The following ST7L variants were observed in gnomAD, a reference collection of about 807,000 sequenced individuals.
The protein encoded by ST7L is suppression of tumorigenicity 7 like, also known as suppressor of tumorigenicity 7 protein-like.
In ST7L, 57 loss-of-function variants were observed where a neutral mutation model predicts 72.5. The ratio of observed to expected loss-of-function variants is 0.79; its 90% CI spans 0.64 to 0.98. The LOEUF (loss-of-function observed/expected upper bound fraction) is 0.98. Ranked by LOEUF, ST7L falls within the 50% of genes least tolerant of loss-of-function variation. The probability of loss-of-function intolerance (pLI) is 0.00; values close to 1 mark genes in which losing one functional copy is unlikely to be tolerated. For synonymous variants in ST7L, 221 were observed against 240.9 expected, an observed-to-expected ratio of 0.92 and a Z score of 0.77; for missense variants, 576 against 672.2, an observed-to-expected ratio of 0.86 and a Z score of 1.58.
At chr1:112,542,369 G>C (rs1168374043) in intron 13 of ST7L, among the ~76,000 whole-genome samples, 1 of 152,114 alleles carries the variant, frequency 6.6e-6, no homozygotes, top group Non-Finnish European at 1.5e-5. Flanking sequence ...TTGAAAAAAA[G>C]CTTTGTCACT....
chr1:112,535,804 T>G (rs942551526), intron 14 of ST7L, among the ~76,000 whole-genome samples: 3 of 152,110 alleles, frequency 2.0e-5, no homozygotes, highest in Non-Finnish European at 2.9e-5. Flanking sequence ...AAAATCTGGA[T>G]GAATAATAAT....
intron 11 of ST7L, among the ~76,000 whole-genome samples, chr1:112,575,790 C>A (rs1209221787): frequency 6.6e-6 from 1 of 152,130 alleles, no homozygotes; most frequent in African/African-American, 2.4e-5. Context: ...TATGGGTGAA[C>A]CGCTGTCTTT....
rs1653002076 is a variant in ST7L at position 112,523,618 on chromosome 1, T to C, written c.*2395A>G. On this transcript the variant is annotated 3_prime_UTR_variant, in exon 15 of 15. Coordinates refer to ENST00000358039, the MANE Select transcript of ST7L (RefSeq NM_017744.5). Reference sequence around the variant, plus strand: ...ATCACCCCTTCTCCCAGCCCTCTTCTATTTGATAGAGGTCTGTCCCTCAGA... The same window carrying C: ...ATCACCCCTTCTCCCAGCCCTCTTCCATTTGATAGAGGTCTGTCCCTCAGA... 6.6e-6 allele frequency: 1 copy of C among 152,204 alleles called. No individual in the cohort carries two copies. Among genetic ancestry groups the C allele is most frequent in the Non-Finnish European group, 1.5e-5 (1 of 68,042 alleles). The allele number at this position is 152,204 out of a possible 1,614,324, so 9.4% of individuals were successfully genotyped here. A position where few individuals can be genotyped will look rare whatever the true frequency, so the allele number is the denominator to read the frequency against.
intron 5 of ST7L, among the ~76,000 whole-genome samples, chr1:112,593,627 A>G (rs1476280204): frequency 1.3e-5 from 2 of 152,182 alleles, no homozygotes; most frequent in Non-Finnish European, 2.9e-5. Context: ...ATTCAAGTTC[A>G]ATTTTGCCCT....
intron 9 of ST7L, 41 bp downstream of exon 9, chr1:112,581,950 GA>G (rs1460078497): frequency 1.3e-5 from 16 of 1,262,062 alleles, no homozygotes; most frequent in Non-Finnish European, 1.8e-5. Context: ...TACATAATTG[GA>G]AAAGAATAAC....
intron 11 of ST7L, among the ~76,000 whole-genome samples, chr1:112,562,526 G>GA (rs1453289110): frequency 3.3e-5 from 5 of 152,074 alleles, no homozygotes; most frequent in South Asian, 4.1e-4. Flanking sequence ...GGGAAAACTA[G>GA]AAAAAACTCC....
At chr1:112,581,870 G>A in intron 9 of ST7L, 122 bp downstream of exon 9, 1 of 708,706 alleles carries the variant, frequency 1.4e-6, no homozygotes, top group South Asian at 1.7e-5. Flanking sequence ...AGCAACCTCT[G>A]AGTGCTAAAT....
chr1:112,597,895 TAATA>T (rs1666717915), intron 5 of ST7L, 72 bp downstream of exon 5: 11 of 1,056,342 alleles, frequency 1.0e-5, no homozygotes, highest in Middle Eastern at 5.9e-4. Flanking sequence ...CTGTATATTA[TAATA>T]AATAACTCTA....
intron 11 of ST7L, chr1:112,571,404 T>G: frequency 2.4e-6 from 1 of 423,620 alleles, no homozygotes; most frequent in Non-Finnish European, 4.6e-6. Context: ...TGTATGTATA[T>G]CTATCTATCT....
chr1:112,576,389 GCCCAAAC>G (rs1389179053), intron 11 of ST7L, among the ~76,000 whole-genome samples: 1 of 152,148 alleles, frequency 6.6e-6, no homozygotes, highest in African/African-American at 2.4e-5. Flanking sequence ...ACTGTGCCCA[GCCCAAAC>G]CCCAAAATTT....
intron 1 of ST7L, 160 bp downstream of exon 1, chr1:112,618,749 C>T (rs1670358011): frequency 2.1e-6 from 3 of 1,401,568 alleles, no homozygotes; most frequent in South Asian, 1.5e-5. Flanking sequence ...TGTCAATCAA[C>T]TGCAAGGTTG....
At chr1:112,553,337 C>A (rs1658557859) in intron 12 of ST7L, among the ~76,000 whole-genome samples, 1 of 152,116 alleles carries the variant, frequency 6.6e-6, no homozygotes, top group Non-Finnish European at 1.5e-5. Context: ...GCCTCAGCCT[C>A]CCTAGTGGCT....
chr1:112,572,629 C>T (rs1043594233), intron 11 of ST7L, among the ~76,000 whole-genome samples: 1 of 152,130 alleles, frequency 6.6e-6, no homozygotes, highest in Admixed American at 6.6e-5. Context: ...GTAATCCCAG[C>T]ACTTTGGGAG....
intron 9 of ST7L, among the ~76,000 whole-genome samples, chr1:112,578,636 TG>T (rs1663546738): frequency 6.6e-6 from 1 of 152,086 alleles, no homozygotes. Flanking sequence ...TTGCCAGGCA[TG>T]GTGGCGCATG....
upstream of ST7L, chr1:112,619,165 C>A: frequency 1.3e-6 from 2 of 1,562,206 alleles, no homozygotes; most frequent in Non-Finnish European, 1.7e-6. Context: ...GACAGGAAAC[C>A]GGGAGTCGGG....
intron 14 of ST7L, chr1:112,528,973 T>G (rs143075362): frequency 6.6e-6 from 1 of 152,356 alleles, no homozygotes; most frequent in African/African-American, 2.4e-5. Flanking sequence ...GGTGTCTATT[T>G]TCCTGCATTT....
chr1:112,574,789 T>C (rs1272939921), intron 11 of ST7L, among the ~76,000 whole-genome samples: 1 of 150,014 alleles, frequency 6.7e-6, no homozygotes, highest in Admixed American at 6.6e-5. Flanking sequence ...GGAAGGGAGG[T>C]TGTAATGGGA....
chr1:112,537,491 G>A (rs888118294), intron 14 of ST7L, among the ~76,000 whole-genome samples: 11 of 152,316 alleles, frequency 7.2e-5, no homozygotes, highest in African/African-American at 2.6e-4. Context: ...AAAGGGGCCA[G>A]AGTAGAAGAT....
intron 3 of ST7L, among the ~76,000 whole-genome samples, chr1:112,602,126 T>TAAGAAA (rs1667515409): frequency 6.7e-6 from 1 of 148,892 alleles, no homozygotes. Flanking sequence ...AAATAGACTG[T>TAAGAAA]AAGAAATTGA....
Sources: allele counts gnomAD v4.1 joint callset (sites outside exome capture counted in the v4.1 genomes callset), GRCh38; gene constraint gnomAD v4.1.1; transcripts MANE v1.5; gene names NCBI Gene and HGNC (gene_info 2026-07-23, HGNC 2026-07-21).